CMTM5: variants seen among roughly 807,000 people sequenced by gnomAD.
The protein encoded by CMTM5 is CKLF like MARVEL transmembrane domain containing 5.
CMTM5 carries 25 observed loss-of-function variants against 26.9 expected under a neutral mutation model. The ratio of observed to expected loss-of-function variants is 0.93; its 90% CI spans 0.68 to 1.30. CMTM5 has a LOEUF of 1.30. Ranked by LOEUF, CMTM5 falls within the 50% of genes most tolerant of loss-of-function variation. The probability of loss-of-function intolerance (pLI) is 0.00; values close to 1 mark genes in which losing one functional copy is unlikely to be tolerated. For synonymous variants in CMTM5, 98 were observed against 115.5 expected (o/e 0.85, Z 0.97); for missense variants, 292 against 289.6 (o/e 1.01, Z -0.06).
chr14:23,377,091 G>T lies in CMTM5; in HGVS notation c.-161G>T. 2 of 955,282 alleles carry T rather than the reference G, an allele frequency of 2.1e-6. No individual in the cohort carries two copies. The highest frequency in any genetic ancestry group is 1.6e-5 in the South Asian group (1 of 60,734). 59.2% of individuals were successfully genotyped at this position (955,282 alleles called of 1,614,324 possible). Reference sequence around the variant, plus strand: ...GGCCCATCTGGGCAAGGCCCCCAGCGCCTGCCTTCTCTCCCGGGGCCCTGT... The same window carrying T: ...GGCCCATCTGGGCAAGGCCCCCAGCTCCTGCCTTCTCTCCCGGGGCCCTGT... On this transcript the variant is annotated 5_prime_UTR_variant, in exon 1 of 6. Coordinates refer to ENST00000339180, the MANE Select transcript of CMTM5 (RefSeq NM_001288746.2). The surrounding 1 kb of genome is among the most constrained non-coding windows in gnomAD (Gnocchi z 4.6).
chr14:23,379,736 C>A lies in CMTM5; in HGVS notation c.*249C>A. 1 of 896,600 alleles carries A rather than the reference C, an allele frequency of 1.1e-6. No individual in the cohort carries two copies. The highest frequency in any genetic ancestry group is 1.6e-6 in the Non-Finnish European group (1 of 610,340). The allele number at this position is 896,600 out of a possible 1,614,324, so 55.5% of individuals were successfully genotyped here. On this transcript the variant is annotated 3_prime_UTR_variant, in exon 6 of 6. Transcript: ENST00000339180. ...GGGGGTGGAGGGGAGGAATCTGGACCTCTAAGTCATTCCCAAATTAAAATA... is the reference window on the plus strand; with the variant it reads ...GGGGGTGGAGGGGAGGAATCTGGACATCTAAGTCATTCCCAAATTAAAATA...
chr14:23,378,511 C>G lies in CMTM5; in HGVS notation c.279+10C>G, dbSNP rs757242627. On this transcript the variant is annotated intron_variant, in intron 2 of 5. Transcript: ENST00000339180. The surrounding 1 kb of genome is among the most constrained non-coding windows in gnomAD (Gnocchi z 4.2). ...TAACTGGCCCTGTCTGGTGAGGAAC[C>G]CTGACCCCTAGCCCAGTTTGGGGCC... 6 of 1,613,968 alleles carry G rather than the reference C, an allele frequency of 3.7e-6. No individual in the cohort carries two copies. Among genetic ancestry groups the G allele is most frequent in the African/African-American group, 1.3e-5 (1 of 74,900 alleles).
At position 23,379,500 on chromosome 14, in the gene CMTM5, C is replaced by G. The variant is rs139534097; in HGVS notation, c.*13C>G. The G allele has an allele frequency of 0.028, 45,827 of 1,613,558 alleles. 805 individuals carry two copies. Among genetic ancestry groups the G allele is most frequent in the Non-Finnish European group, 0.034 (39,734 of 1,180,018 alleles). On this transcript the variant is annotated 3_prime_UTR_variant, in exon 6 of 6. Transcript: ENST00000339180. ...GGACCAGCAGTGACTCTGGGGCTAC[C>G]TGGCTCCTAGGCCCAGCCAGCCAGA...
chr14:23,378,259 G>A lies in CMTM5; in HGVS notation c.127-90G>A. 13 of 1,446,168 alleles carry A rather than the reference G, an allele frequency of 9.0e-6. No homozygotes were observed. Among genetic ancestry groups the A allele is most frequent in the Non-Finnish European group, 1.2e-5 (13 of 1,053,356 alleles). 89.6% of individuals were successfully genotyped at this position (1,446,168 alleles called of 1,614,324 possible). The stretch of plus-strand genomic sequence containing the variant: ...CTCCAAGGACAGGTAGTAGGTGCCA[G>A]CCTAGGGGAGCTTCCAAGGAGGGGA... On this transcript the variant is annotated intron_variant, in intron 1 of 5. Transcript: ENST00000339180. The surrounding 1 kb of genome is among the most constrained non-coding windows in gnomAD (Gnocchi z 4.2).
rs757591395 is a variant in CMTM5 at position 23,378,864 on chromosome 14, A to G, written c.475A>G (p.Ser159Gly). ...GTTCATCTGCTTCCACTCCCTGGGT[A>G]GCAGTGTGAGCGCTCTGTCTCTTGA... is the stretch of plus-strand genomic sequence containing the variant. Reference protein sequence around the residue: ...LWFICFHSLGSSDFLRCVSAI... With the variant: ...LWFICFHSLGGSDFLRCVSAI... The change falls in exon 3 of 6, where the codon AGC (serine) becomes GGC (glycine). Residue 159 changes from serine to glycine, a missense_variant. Ser to Gly is a moderately conservative substitution (Grantham distance 56). Transcript: ENST00000339180. This position sits in a 1 kb window ranked among gnomAD's most constrained non-coding sequence, Gnocchi z 4.2. The G allele has an allele frequency of 5.6e-6, 9 of 1,612,994 alleles. No individual in the cohort carries two copies. The Admixed American group carries it at 1.3e-4, about 24-fold the overall frequency.
chr14:23,378,339 G>C lies in CMTM5; in HGVS notation c.127-10G>C, dbSNP rs1161894929. On this transcript the variant is annotated splice_polypyrimidine_tract_variant and intron_variant, in intron 1 of 5. Transcript: ENST00000339180. The surrounding 1 kb of genome is among the most constrained non-coding windows in gnomAD (Gnocchi z 4.2). ...CCTTCTTGGCATGTTCCACATGCTC[G>C]GTCCTGCAGGCCCTGACCCTCATCA... The C allele has an allele frequency of 2.5e-6, 4 of 1,613,462 alleles. No individual in the cohort carries two copies. The highest frequency in any genetic ancestry group is 1.1e-5 in the South Asian group (1 of 91,014).
chr14:23,378,096 C>A lies in CMTM5; in HGVS notation c.127-253C>A, dbSNP rs1043995107. 3 of 554,840 alleles carry A rather than the reference C, an allele frequency of 5.4e-6. No homozygotes were observed. The highest frequency in any genetic ancestry group is 9.6e-6 in the Non-Finnish European group (3 of 311,212). The allele number at this position is 554,840 out of a possible 1,614,324, so 34.4% of individuals were successfully genotyped here. A position where few individuals can be genotyped will look rare whatever the true frequency, so the allele number is the denominator to read the frequency against. On this transcript the variant is annotated intron_variant, in intron 1 of 5. Coordinates refer to ENST00000339180, the MANE Select transcript of CMTM5 (RefSeq NM_001288746.2). The surrounding 1 kb of genome is among the most constrained non-coding windows in gnomAD (Gnocchi z 4.2). ...TACTGTGGGATAGTGCTCCTGGGAG[C>A]CATATGGCTTGGCCAGACTGCTGGG... is the stretch of plus-strand genomic sequence containing the variant.
chr14:23,378,203 G>T lies in CMTM5; in HGVS notation c.127-146G>T. On this transcript the variant is annotated intron_variant, in intron 1 of 5. Coordinates refer to ENST00000339180, the MANE Select transcript of CMTM5 (RefSeq NM_001288746.2). This position sits in a 1 kb window ranked among gnomAD's most constrained non-coding sequence, Gnocchi z 4.2. ...GCAACGGTGGCTCCTGACACCAGGG[G>T]ATAGGGAGATGTGCCAGAGTCCTTC... is the stretch of plus-strand genomic sequence containing the variant. 2.4e-6 allele frequency: 2 copies of T among 835,216 alleles called. No individual in the cohort carries two copies. The highest frequency in any genetic ancestry group is 1.8e-5 in the South Asian group (1 of 56,654). 51.7% of individuals were successfully genotyped at this position (835,216 alleles called of 1,614,324 possible). A position where few individuals can be genotyped will look rare whatever the true frequency, so the allele number is the denominator to read the frequency against.
At chr14:23,376,984 C>T (rs1008735792), upstream of CMTM5, 2 of 481,490 alleles carry the variant, frequency 4.2e-6, no homozygotes, top group Non-Finnish European at 3.7e-6. Flanking sequence ...GGATTAGAGC[C>T]TCCTTCCTCT....
At position 23,378,609 on chromosome 14, in the gene CMTM5, C is replaced by G; in HGVS notation, c.280-60C>G. ...TTTCCATTTCCACACCACAGCTGGGCTTTGTCCCATGCTATGCCCTGCACT... is the reference window on the plus strand; with the variant it reads ...TTTCCATTTCCACACCACAGCTGGGGTTTGTCCCATGCTATGCCCTGCACT... On this transcript the variant is annotated intron_variant, in intron 2 of 5. Transcript: ENST00000339180. The surrounding 1 kb of genome is among the most constrained non-coding windows in gnomAD (Gnocchi z 4.2). 1 of 1,608,498 alleles carries G rather than the reference C, an allele frequency of 6.2e-7. No individual in the cohort carries two copies. Among genetic ancestry groups the G allele is most frequent in the South Asian group, 1.1e-5 (1 of 90,894 alleles).
In CMTM5 at chr14:23,377,125, C is replaced by T. The variant is rs1890592166; in HGVS notation, c.-127C>T. ...CTCTCCCGGGGCCCTGTGGGCAAGC[C>T]TCCTGCTTCACTTTCAGGTTTCTCG... On this transcript the variant is annotated 5_prime_UTR_variant, in exon 1 of 6. Transcript: ENST00000339180. The surrounding 1 kb of genome is among the most constrained non-coding windows in gnomAD (Gnocchi z 4.6). 8.9e-6 allele frequency: 12 copies of T among 1,345,742 alleles called. No individual in the cohort carries two copies. The highest frequency in any genetic ancestry group is 4.0e-5 in the South Asian group (3 of 75,236). 83.4% of individuals were successfully genotyped at this position (1,345,742 alleles called of 1,614,324 possible).
At position 23,379,447 on chromosome 14, in the gene CMTM5, G is replaced by A. The variant is rs533328493; in HGVS notation, c.659-27G>A. ...CACCCTAGCTACCCATCCTGATGTG[G>A]GTCCCTACCTGGCTCTATCCTCACA... is the stretch of plus-strand genomic sequence containing the variant. On this transcript the variant is annotated intron_variant, in intron 5 of 5. Transcript: ENST00000339180. 7 of 1,614,060 alleles carry A rather than the reference G, an allele frequency of 4.3e-6. No homozygotes were observed. In the South Asian group the frequency reaches 6.6e-5, roughly 15 times the overall value.
rs778071045 is a variant in CMTM5, at chr14:23,379,131, C to T, written c.573+8C>T. 1.2e-6 allele frequency: 2 copies of T among 1,613,108 alleles called. No homozygotes were observed. Among genetic ancestry groups the T allele is most frequent in the Non-Finnish European group, 8.5e-7 (1 of 1,179,452 alleles). Reference sequence around the variant, plus strand: ...GCTGCCATTGCTGCTTTTGTGAGTTCAGCCCTGCAGGACTCCTTAGCCCCT... The same window carrying T: ...GCTGCCATTGCTGCTTTTGTGAGTTTAGCCCTGCAGGACTCCTTAGCCCCT... On this transcript the variant is annotated splice_region_variant and intron_variant, in intron 4 of 5. Coordinates refer to ENST00000339180, the MANE Select transcript of CMTM5 (RefSeq NM_001288746.2).
chr14:23,378,751 C>T lies in CMTM5; in HGVS notation c.362C>T (p.Pro121Leu). 1 of 1,612,518 alleles carries T rather than the reference C, an allele frequency of 6.2e-7. No individual in the cohort carries two copies. The highest frequency in any genetic ancestry group is 8.5e-7 in the Non-Finnish European group (1 of 1,179,852). ...HSAKVQPQPW[P>L]GLTPPGWHTP... The stretch of plus-strand genomic sequence containing the variant: ...GCAAAGGTCCAGCCCCAGCCCTGGC[C>T]TGGCTTGACCCCCCCGGGCTGGCAT... Residue 121 changes from proline (P) to leucine (L), a missense_variant, in exon 3 of 6, where the codon CCT becomes CTT. Coordinates refer to ENST00000339180, the MANE Select transcript of CMTM5 (RefSeq NM_001288746.2). This position sits in a 1 kb window ranked among gnomAD's most constrained non-coding sequence, Gnocchi z 4.2.
Position 23,378,033 on chromosome 14 carries a change from C to T in CMTM5, c.127-316C>T, listed in dbSNP as rs1435376173. On this transcript the variant is annotated intron_variant, in intron 1 of 5. Coordinates refer to ENST00000339180, the MANE Select transcript of CMTM5 (RefSeq NM_001288746.2). The surrounding 1 kb of genome is among the most constrained non-coding windows in gnomAD (Gnocchi z 4.2). ...CTGTGGAGTCGGGTCTCTGTGGGCA[C>T]AACTCCAGGGGCTGGCATTCACACT... The T allele has an allele frequency of 6.0e-6, 2 of 331,670 alleles. No individual in the cohort carries two copies. The highest frequency in any genetic ancestry group is 6.5e-5 in the East Asian group (1 of 15,350). The allele number at this position is 331,670 out of a possible 1,614,324, so 20.5% of individuals were successfully genotyped here.
chr14:23,379,081 T>C lies in CMTM5; in HGVS notation c.531T>C (p.Phe177=). The change falls in exon 4 of 6, where the codon TTT becomes TTC. Residue 177 remains phenylalanine, a synonymous_variant. Coordinates refer to ENST00000339180, the MANE Select transcript of CMTM5 (RefSeq NM_001288746.2). ...TCATCATCTTCCTGGTGGTCTCCTT[T>C]GCAGCTGTGACCTCCCGGGACGGAG... The part of the protein sequence containing the change: ...SAIIIFLVVS[F]AAVTSRDGAA... 6.2e-7 allele frequency: 1 copy of C among 1,614,118 alleles called. No individual in the cohort carries two copies. Among genetic ancestry groups the C allele is most frequent in the Non-Finnish European group, 8.5e-7 (1 of 1,180,010 alleles).
Position 23,377,183 on chromosome 14 carries a change from C to A in CMTM5, c.-69C>A. ...TTCTTGCTCCTGTCTGTTTCCCCATCCTGCCAGATTTCTGTTTCTCTTGCT... is the reference window on the plus strand; with the variant it reads ...TTCTTGCTCCTGTCTGTTTCCCCATACTGCCAGATTTCTGTTTCTCTTGCT... On this transcript the variant is annotated 5_prime_UTR_variant, in exon 1 of 6. Coordinates refer to ENST00000339180, the MANE Select transcript of CMTM5 (RefSeq NM_001288746.2). The surrounding 1 kb of genome is among the most constrained non-coding windows in gnomAD (Gnocchi z 4.6). 6.3e-7 allele frequency: 1 copy of A among 1,583,510 alleles called. No homozygotes were observed. Among genetic ancestry groups the A allele is most frequent in the South Asian group, 1.1e-5 (1 of 89,206 alleles).
intron 4 of CMTM5, 27 bp downstream of exon 4, chr14:23,379,150 A>T: frequency 6.2e-7 from 1 of 1,610,090 alleles, no homozygotes; most frequent in Non-Finnish European, 8.5e-7. Context: ...AGGACTCCTT[A>T]GCCCCTCAAG....
In CMTM5 at chr14:23,377,704, G is replaced by C. The variant is rs748203454; in HGVS notation, c.126+327G>C. On this transcript the variant is annotated intron_variant, in intron 1 of 5. Coordinates refer to ENST00000339180, the MANE Select transcript of CMTM5 (RefSeq NM_001288746.2). This position sits in a 1 kb window ranked among gnomAD's most constrained non-coding sequence, Gnocchi z 4.6. ...CATGGCCACTTCTCAGCACGTCCAA[G>C]AAGTCTAACTATCAAAAAGGGCAGA... 6 of 279,864 alleles carry C rather than the reference G, an allele frequency of 2.1e-5. No homozygotes were observed. The highest frequency in any genetic ancestry group is 4.0e-5 in the Non-Finnish European group (6 of 149,992). The allele number at this position is 279,864 out of a possible 1,614,324, so 17.3% of individuals were successfully genotyped here.
Sources: allele counts gnomAD v4.1 joint callset, GRCh38; gene constraint gnomAD v4.1.1; non-coding constraint Gnocchi (gnomAD v3.1); transcripts MANE v1.5; gene names NCBI Gene and HGNC (gene_info 2026-07-23, HGNC 2026-07-21).